GPC6: variants seen among roughly 807,000 people sequenced by gnomAD.
GPC6 encodes the protein glypican 6.
GPC6 carries 14 observed loss-of-function variants against 55.2 expected under a neutral mutation model. The observed-to-expected ratio is 0.25, with a 90% confidence interval of 0.17 to 0.40. GPC6 has a LOEUF of 0.40. Among genes scored for constraint, GPC6 ranks in the 10% least tolerant of loss-of-function variants. The pLI is 1.00. For missense variants in GPC6, 641 were observed against 708.5 expected, an observed-to-expected ratio of 0.90 and a Z score of 1.08; for synonymous variants, 278 against 259.6, an observed-to-expected ratio of 1.07 and a Z score of -0.68.
intron 4 of GPC6, among the ~76,000 whole-genome samples, chr13:94,252,885 G>A (rs1016733357): frequency 6.6e-6 from 1 of 151,382 alleles, no homozygotes; most frequent in Non-Finnish European, 1.5e-5. Flanking sequence ...CAAGCCTGCT[G>A]TTTCCAGTGA....
At chr13:94,225,102 A>C (rs1044016490) in intron 4 of GPC6, among the ~76,000 whole-genome samples, 1 of 152,092 alleles carries the variant, frequency 6.6e-6, no homozygotes, top group Non-Finnish European at 1.5e-5. Flanking sequence ...GAATTGTGTA[A>C]GCTGAACCAG....
chr13:93,905,873 G>A (rs573651322), intron 3 of GPC6, among the ~76,000 whole-genome samples: 1 of 152,252 alleles, frequency 6.6e-6, no homozygotes, highest in African/African-American at 2.4e-5. Flanking sequence ...GTATGAAGAA[G>A]GTATGTGAAC....
At chr13:93,420,758 C>T (rs557397729) in intron 1 of GPC6, among the ~76,000 whole-genome samples, 1 of 152,260 alleles carries the variant, frequency 6.6e-6, no homozygotes, top group South Asian at 2.1e-4. Flanking sequence ...CAAAAATTCA[C>T]TGGAGTCCCA....
At chr13:94,317,005 G>C (rs967970251) in intron 6 of GPC6, among the ~76,000 whole-genome samples, 2 of 152,130 alleles carry the variant, frequency 1.3e-5, no homozygotes, top group Non-Finnish European at 2.9e-5. Flanking sequence ...TTGTCTTCTT[G>C]TACAATATCA....
At chr13:94,323,535 A>G (rs1422968082) in intron 6 of GPC6, among the ~76,000 whole-genome samples, 2 of 152,188 alleles carry the variant, frequency 1.3e-5, no homozygotes, top group East Asian at 3.9e-4. Flanking sequence ...TGGGAGCTAA[A>G]TAACGTGTGC....
intron 5 of GPC6, among the ~76,000 whole-genome samples, chr13:94,288,279 T>C (rs1357702907): frequency 2.0e-5 from 3 of 152,270 alleles, no homozygotes; most frequent in Non-Finnish European, 4.4e-5. Context: ...TTATATATTT[T>C]TTTCAAGGAA....
chr13:93,651,770 G>GC (rs1469319144), intron 2 of GPC6, among the ~76,000 whole-genome samples: 1 of 152,054 alleles, frequency 6.6e-6, no homozygotes, highest in East Asian at 1.9e-4. Context: ...CCACAAGCCT[G>GC]CAAACTAAGG....
intron 2 of GPC6, among the ~76,000 whole-genome samples, chr13:93,780,627 AC>A (rs1298884533): frequency 2.0e-5 from 3 of 151,994 alleles, no homozygotes; most frequent in Non-Finnish European, 2.9e-5. Context: ...ACACACACAC[AC>A]ACAAAATAAA....
chr13:93,488,478 T>C (rs995902162), intron 1 of GPC6, among the ~76,000 whole-genome samples: 3 of 152,224 alleles, frequency 2.0e-5, no homozygotes, highest in Non-Finnish European at 4.4e-5. Context: ...CCTTTGGCTA[T>C]ATACCCAGTA....
chr13:93,682,989 G>C (rs1004775955), intron 2 of GPC6, among the ~76,000 whole-genome samples: 1 of 152,056 alleles, frequency 6.6e-6, no homozygotes, highest in Non-Finnish European at 1.5e-5. Context: ...GTGCACTCTA[G>C]TCTGTGTGAC....
intron 2 of GPC6, among the ~76,000 whole-genome samples, chr13:93,717,958 G>A (rs1883309792): frequency 6.6e-6 from 1 of 151,812 alleles, no homozygotes; most frequent in South Asian, 2.1e-4. Flanking sequence ...TTTTATGGCT[G>A]CATAGTATTC....
intron 4 of GPC6, among the ~76,000 whole-genome samples, chr13:94,067,233 G>C (rs969845223): frequency 1.3e-5 from 2 of 152,180 alleles, no homozygotes; most frequent in East Asian, 3.9e-4. Flanking sequence ...TTATGTATCA[G>C]ATTGAAGCTT....
At chr13:93,530,633 G>A (rs1350532841) in intron 1 of GPC6, among the ~76,000 whole-genome samples, 1 of 152,072 alleles carries the variant, frequency 6.6e-6, no homozygotes, top group South Asian at 2.1e-4. Context: ...AAAATTTCAG[G>A]AATTTTTGAA....
intron 4 of GPC6, among the ~76,000 whole-genome samples, chr13:94,278,183 AT>A (rs759001384): frequency 2.6e-5 from 4 of 152,060 alleles, no homozygotes; most frequent in Non-Finnish European, 5.9e-5. Flanking sequence ...TAAGTATTTT[AT>A]TCTCTTTGTA....
intron 2 of GPC6, among the ~76,000 whole-genome samples, chr13:93,823,848 T>A (rs1388699495): frequency 6.6e-5 from 10 of 152,152 alleles, no homozygotes. Context: ...CTAGGAATAA[T>A]TAGTTGAGTA....
intron 3 of GPC6, among the ~76,000 whole-genome samples, chr13:93,862,629 G>C (rs1227722229): frequency 1.3e-5 from 2 of 151,562 alleles, no homozygotes; most frequent in Non-Finnish European, 3.0e-5. Context: ...CCACATATAA[G>C]AAAGTAGCTC....
At chr13:94,157,007 G>A (rs1484221886) in intron 4 of GPC6, among the ~76,000 whole-genome samples, 1 of 152,170 alleles carries the variant, frequency 6.6e-6, no homozygotes, top group African/African-American at 2.4e-5. Context: ...CTATGCGCGA[G>A]GAGCTGTGTT....
At chr13:94,186,060 C>G (rs9561510) in intron 4 of GPC6, among the ~76,000 whole-genome samples, 1 of 87,222 alleles carries the variant, frequency 1.1e-5, no homozygotes, top group Non-Finnish European at 2.3e-5. Flanking sequence ...ACTCCGTCTC[C>G]AAAAAAAAAA....
chr13:93,627,622 A>T (rs918632229), intron 2 of GPC6, among the ~76,000 whole-genome samples: 3 of 152,128 alleles, frequency 2.0e-5, no homozygotes, highest in Non-Finnish European at 2.9e-5. Flanking sequence ...GAAGTGCCAC[A>T]TTTATTGTAT....
Sources: gnomAD v4.1 joint callset for allele counts (sites outside exome capture counted in the v4.1 genomes callset) on GRCh38, gnomAD v4.1.1 for gene constraint, MANE v1.5 for transcripts, NCBI Gene and HGNC (gene_info 2026-07-23, HGNC 2026-07-21) for gene names.